Variants in FYB1 observed in about 807,000 individuals in gnomAD.
FYB1 encodes FYN binding protein 1.
In FYB1, 41 loss-of-function variants were observed where a neutral mutation model predicts 94.1. That is an observed-to-expected ratio of 0.44 (90% CI 0.34 to 0.57). FYB1 has a LOEUF of 0.57. Ranked by LOEUF, FYB1 falls within the 20% of genes least tolerant of loss-of-function variation. The pLI, the probability that FYB1 is intolerant of heterozygous loss-of-function variation, is 0.02. For synonymous variants in FYB1, 367 were observed against 353.2 expected, an observed-to-expected ratio of 1.04 and a Z score of -0.44; for missense variants, 1,050 against 976.8, an observed-to-expected ratio of 1.07 and a Z score of -1.00.
At chr5:39,109,196 G>A (rs775298732) in intron 17 of FYB1, among the ~76,000 whole-genome samples, 41 of 152,024 alleles carry the variant, frequency 2.7e-4, no homozygotes, top group Non-Finnish European at 5.0e-4. Context: ...TATGGCAGAT[G>A]CTGTGAGTTC....
chr5:39,246,955 G>C (rs1340313922), intron 1 of FYB1, among the ~76,000 whole-genome samples: 2 of 151,370 alleles, frequency 1.3e-5, no homozygotes, highest in African/African-American at 4.9e-5. Flanking sequence ...ACTTCTTTGT[G>C]CCTCAATTAT....
At chr5:39,208,530 G>T (rs1318130620) in intron 1 of FYB1, among the ~76,000 whole-genome samples, 1 of 152,076 alleles carries the variant, frequency 6.6e-6, no homozygotes, top group Non-Finnish European at 1.5e-5. Flanking sequence ...TCAACTGCTG[G>T]TTCTTCTTAT....
chr5:39,175,008 T>C (rs1386780780), intron 2 of FYB1, among the ~76,000 whole-genome samples: 1 of 152,220 alleles, frequency 6.6e-6, no homozygotes, highest in Non-Finnish European at 1.5e-5. Flanking sequence ...GTTATGGTTC[T>C]ATTTGTTTGC....
intron 2 of FYB1, among the ~76,000 whole-genome samples, chr5:39,185,062 T>C (rs1746623906): frequency 1.3e-5 from 2 of 152,188 alleles, no homozygotes; most frequent in Admixed American, 1.3e-4. Context: ...GCGTTTATAC[T>C]TTAATTTTGG....
At chr5:39,166,983 G>A (rs1184789045) in intron 2 of FYB1, among the ~76,000 whole-genome samples, 3 of 152,144 alleles carry the variant, frequency 2.0e-5, no homozygotes, top group African/African-American at 7.2e-5. Flanking sequence ...GAGGGACCCT[G>A]AGTCAAAATA....
chr5:39,246,067 TTTTC>T (rs1751465926), intron 1 of FYB1, among the ~76,000 whole-genome samples: 1 of 152,230 alleles, frequency 6.6e-6, no homozygotes, highest in Non-Finnish European at 1.5e-5. Context: ...AAGTCTGCTT[TTTTC>T]TTTCTGCTTT....
chr5:39,244,721 G>T (rs565583082), intron 1 of FYB1, among the ~76,000 whole-genome samples: 1 of 152,158 alleles, frequency 6.6e-6, no homozygotes, highest in Non-Finnish European at 1.5e-5. Context: ...AATGGTACCA[G>T]CTCCTCCTTG....
upstream of FYB1, among the ~76,000 whole-genome samples, chr5:39,220,247 A>G (rs1262106126): frequency 6.6e-6 from 1 of 151,882 alleles, no homozygotes; most frequent in African/African-American, 2.4e-5. Context: ...TGTCTCTACA[A>G]AAATAAAAAA....
At chr5:39,149,248 C>A (rs567682002) in intron 3 of FYB1, among the ~76,000 whole-genome samples, 186 of 152,294 alleles carry the variant, frequency 1.2e-3, no homozygotes, top group Non-Finnish European at 2.3e-3. Context: ...TTGCAAGTTA[C>A]TTCTGGGAAC....
At chr5:39,158,087 G>A (rs547894014) in intron 2 of FYB1, among the ~76,000 whole-genome samples, 36 of 152,342 alleles carry the variant, frequency 2.4e-4, no homozygotes, top group South Asian at 4.1e-4. Flanking sequence ...ACAGTTTATA[G>A]CAGTTACAGA....
intron 2 of FYB1, chr5:39,169,666 G>A: frequency 2.3e-6 from 1 of 441,490 alleles, no homozygotes; most frequent in Non-Finnish European, 4.4e-6. Flanking sequence ...CCAACATGGT[G>A]AAACTCTGTC....
intron 1 of FYB1, chr5:39,270,800 A>G (rs1752642515): frequency 8.6e-6 from 4 of 466,650 alleles, no homozygotes; most frequent in African/African-American, 2.0e-5. Context: ...TCAATAATAC[A>G]GGAACAGGTA....
At chr5:39,154,651 T>C (rs761304791) in intron 2 of FYB1, among the ~76,000 whole-genome samples, 2 of 151,984 alleles carry the variant, frequency 1.3e-5, no homozygotes, top group Non-Finnish European at 2.9e-5. Context: ...GGATTATAGG[T>C]GCCTGCCACC....
chr5:39,269,417 G>A (rs886840330), intron 1 of FYB1, among the ~76,000 whole-genome samples: 1 of 152,214 alleles, frequency 6.6e-6, no homozygotes, highest in African/African-American at 2.4e-5. Context: ...GGATTTATAA[G>A]TCTCACTCCC....
rs948691956 is a variant in FYB1, at chr5:39,219,434, A to T, written c.-28+9T>A. 6 of 985,396 alleles carry T rather than the reference A, an allele frequency of 6.1e-6. No homozygotes were observed. The African/African-American group carries it at 1.0e-4, about 17-fold the overall frequency. The allele number at this position is 985,396 out of a possible 1,614,324, so 61.0% of individuals were successfully genotyped here. On this transcript the variant is annotated intron_variant, in intron 1 of 18. Transcript: ENST00000512982. The stretch of plus-strand genomic sequence containing the variant: ...TATTTGAAAGAAGAAACCTAGGCAT[A>T]GCTGTTACCTGACTCCTGCAGAAGA...
intron 2 of FYB1, among the ~76,000 whole-genome samples, chr5:39,183,370 C>T (rs563933672): frequency 2.0e-5 from 3 of 152,104 alleles, no homozygotes; most frequent in East Asian, 3.9e-4. Flanking sequence ...TAAAACCAAG[C>T]GTAATAGATA....
chr5:39,206,009 T>C (rs529468469), intron 1 of FYB1, among the ~76,000 whole-genome samples: 11 of 152,334 alleles, frequency 7.2e-5, no homozygotes, highest in African/African-American at 2.4e-4. Flanking sequence ...TCACAAAACA[T>C]TATTTCTCTA....
Position 39,202,255 on chromosome 5 carries a change from C to T in FYB1, c.706G>A (p.Gly236Ser), listed in dbSNP as rs34222014. Residue 236 changes from glycine (G) to serine (S), a missense_variant, in exon 2 of 19, where the codon GGC (glycine) becomes AGC (serine). Transcript: ENST00000512982. ...PAPLGVRSKS[G>S]PLKPAREDSE... The stretch of plus-strand genomic sequence containing the variant: ...TCTTCCCTTGCTGGTTTTAAAGGGC[C>T]GCTTTTGGACCTGACTCCCAGGGGA... 80 of 1,613,868 alleles carry T rather than the reference C, an allele frequency of 5.0e-5. No individual in the cohort carries two copies. The highest frequency in any genetic ancestry group is 1.8e-4 in the East Asian group (8 of 44,872).
chr5:39,175,189 G>T (rs1435820794), intron 2 of FYB1, among the ~76,000 whole-genome samples: 16 of 152,154 alleles, frequency 1.1e-4, no homozygotes, highest in Admixed American at 9.8e-4. Flanking sequence ...GATCCAGCCA[G>T]GCAGACACTA....
Sources: gnomAD v4.1 joint callset for allele counts (sites outside exome capture counted in the v4.1 genomes callset) on GRCh38, gnomAD v4.1.1 for gene constraint, MANE v1.5 for transcripts, NCBI Gene and HGNC (gene_info 2026-07-23, HGNC 2026-07-21) for gene names.